Variants in DROSHA observed in about 807,000 individuals in gnomAD.
The protein encoded by DROSHA is drosha ribonuclease III, also known as ribonuclease 3.
A neutral mutation model predicts 181.9 loss-of-function variants in DROSHA; 56 were observed. That is an observed-to-expected ratio of 0.31 (90% CI 0.25 to 0.38). DROSHA has a LOEUF of 0.38. Among genes scored for constraint, DROSHA ranks in the 10% least tolerant of loss-of-function variants. DROSHA has a pLI of 1.00. For synonymous variants in DROSHA, 524 were observed against 591.2 expected, an observed-to-expected ratio of 0.89 and a Z score of 1.65; for missense variants, 1,218 against 1,743.5, an observed-to-expected ratio of 0.70 and a Z score of 5.37.
intron 21 of DROSHA, among the ~76,000 whole-genome samples, chr5:31,449,895 T>C (rs1208228967): frequency 1.3e-5 from 2 of 152,174 alleles, no homozygotes; most frequent in African/African-American, 2.4e-5. Context: ...CAGAAAATAC[T>C]TGCATACTAT....
intron 23 of DROSHA, among the ~76,000 whole-genome samples, chr5:31,446,239 C>G (rs549938307): frequency 5.9e-4 from 89 of 151,528 alleles, no homozygotes; most frequent in Admixed American, 1.8e-3. Flanking sequence ...AAGGTCAGGA[C>G]ATCAAGACCA....
chr5:31,507,563 C>T (rs990458153), intron 10 of DROSHA, among the ~76,000 whole-genome samples: 11 of 151,688 alleles, frequency 7.3e-5, no homozygotes, highest in Admixed American at 2.0e-4. Flanking sequence ...TTCCAGTGAG[C>T]CGTTATTGCG....
intron 9 of DROSHA, 79 bp from the exon 10 acceptor site, chr5:31,508,854 C>T (rs1030226504): frequency 4.8e-6 from 7 of 1,465,374 alleles, no homozygotes; most frequent in Admixed American, 2.2e-5. Context: ...GTTGGAGTCT[C>T]GCTCTGTCAC....
Position 31,405,789 on chromosome 5 carries a change from T to C in DROSHA, c.3948-66A>G, listed in dbSNP as rs1177659722. 11 of 1,191,626 alleles carry C rather than the reference T, an allele frequency of 9.2e-6. No individual in the cohort carries two copies. In the East Asian group the frequency reaches 3.2e-4, roughly 35 times the overall value. 73.8% of individuals were successfully genotyped at this position (1,191,626 alleles called of 1,614,324 possible). On this transcript the variant is annotated intron_variant, in intron 34 of 35. Transcript: ENST00000344624. ...ATTCTTTTTTTTTTTTTTTTTTTTTTTTCAAAAAATGCAAGGTATGGCTAC... is the reference window on the plus strand; with the variant it reads ...ATTCTTTTTTTTTTTTTTTTTTTTTCTTCAAAAAATGCAAGGTATGGCTAC...
At chr5:31,448,200 A>G (rs1746542096) in intron 23 of DROSHA, among the ~76,000 whole-genome samples, 1 of 152,252 alleles carries the variant, frequency 6.6e-6, no homozygotes, top group Admixed American at 6.5e-5. Flanking sequence ...CACATACTAT[A>G]CTATGGACAA....
chr5:31,432,159 T>A (rs983808459), intron 25 of DROSHA, among the ~76,000 whole-genome samples: 1 of 150,756 alleles, frequency 6.6e-6, no homozygotes, highest in African/African-American at 2.5e-5. Flanking sequence ...TGAGACGGAA[T>A]CTGGCTCTGT....
intron 3 of DROSHA, 102 bp downstream of exon 3, chr5:31,530,696 C>A: frequency 5.6e-6 from 2 of 355,998 alleles, no homozygotes; most frequent in Admixed American, 4.7e-5. Context: ...ATCCATCTAT[C>A]AATCTTAAAT....
chr5:31,488,158 T>C (rs1395031600), intron 13 of DROSHA, among the ~76,000 whole-genome samples: 1 of 152,148 alleles, frequency 6.6e-6, no homozygotes, highest in Non-Finnish European at 1.5e-5. Flanking sequence ...GGCTTATGCC[T>C]GTAATCCTAG....
intron 30 of DROSHA, among the ~76,000 whole-genome samples, chr5:31,417,230 C>T (rs557044673): frequency 6.6e-4 from 101 of 152,200 alleles, no homozygotes; most frequent in Non-Finnish European, 1.0e-3. Context: ...ATAAAATGCA[C>T]TGCAAAGGCC....
At chr5:31,408,868 A>G (rs1740970804) in intron 33 of DROSHA, 188 bp downstream of exon 33, 1 of 546,054 alleles carries the variant, frequency 1.8e-6, no homozygotes, top group Admixed American at 3.4e-5. Context: ...GGACCCACTT[A>G]TTACAGCTAA....
intron 23 of DROSHA, among the ~76,000 whole-genome samples, chr5:31,443,853 G>A (rs1470924070): frequency 2.0e-5 from 3 of 152,074 alleles, no homozygotes; most frequent in Non-Finnish European, 4.4e-5. Flanking sequence ...GTAGTGTGAC[G>A]AATGGCATTC....
chr5:31,437,419 T>C, intron 23 of DROSHA, 121 bp from the exon 24 acceptor site: 2 of 843,368 alleles, frequency 2.4e-6, no homozygotes, highest in Non-Finnish European at 3.6e-6. Context: ...CCACCTTCCC[T>C]ATTCCTCATA....
At chr5:31,428,465 A>G (rs1045668774) in intron 27 of DROSHA, among the ~76,000 whole-genome samples, 8 of 152,232 alleles carry the variant, frequency 5.3e-5, no homozygotes, top group Admixed American at 2.6e-4. Context: ...ATCAAGATGC[A>G]CATGTGTTTA....
chr5:31,410,941 T>C, intron 30 of DROSHA, 54 bp from the exon 31 acceptor site: 1 of 1,603,988 alleles, frequency 6.2e-7, no homozygotes, highest in Admixed American at 1.7e-5. Context: ...TTGACCTCTC[T>C]TATTCCTGGG....
chr5:31,415,409 A>C (rs745731457), intron 30 of DROSHA, among the ~76,000 whole-genome samples: 3 of 152,346 alleles, frequency 2.0e-5, no homozygotes, highest in Non-Finnish European at 4.4e-5. Flanking sequence ...CTAGCAGGCA[A>C]ATACAGGTCA....
rs375189019 is a variant in DROSHA at position 31,421,391 on chromosome 5, C to T, written c.3420-14G>A. On this transcript the variant is annotated splice_polypyrimidine_tract_variant and intron_variant, in intron 29 of 35. Transcript: ENST00000344624. ...TGATTGTGGCCTCTGGAAAAAGAAA[C>T]ATCAAAGTAAAGAAATCAATAACCA... 6.3e-7 allele frequency: 1 copy of T among 1,590,534 alleles called. No individual in the cohort carries two copies. The highest frequency in any genetic ancestry group is 1.1e-5 in the South Asian group (1 of 89,928).
intron 34 of DROSHA, among the ~76,000 whole-genome samples, chr5:31,406,330 G>T (rs949337894): frequency 1.3e-5 from 2 of 151,964 alleles, no homozygotes; most frequent in Non-Finnish European, 2.9e-5. Context: ...GGCCAACATG[G>T]TAAAACCCTG....
At position 31,401,316 on chromosome 5, in the gene DROSHA, A is replaced by G. The variant is rs1739969866; in HGVS notation, c.*116T>C. 7.3e-7 allele frequency: 1 copy of G among 1,378,226 alleles called. No homozygotes were observed. Among genetic ancestry groups the G allele is most frequent in the Admixed American group, 1.7e-5 (1 of 58,686 alleles). 85.4% of individuals were successfully genotyped at this position (1,378,226 alleles called of 1,614,324 possible). A position where few individuals can be genotyped will look rare whatever the true frequency, so the allele number is the denominator to read the frequency against. On this transcript the variant is annotated 3_prime_UTR_variant, in exon 36 of 36. Transcript: ENST00000344624. ...AACAACAATAGCGATTTGACTCTGT[A>G]TTTTATTTCAATGAGCACACTTCAT...
At chr5:31,403,031 C>G (rs1002827316) in intron 35 of DROSHA, among the ~76,000 whole-genome samples, 3 of 152,140 alleles carry the variant, frequency 2.0e-5, no homozygotes, top group African/African-American at 7.2e-5. Flanking sequence ...CTCGGCCTCC[C>G]AAAGTGCTGG....
Sources: allele counts gnomAD v4.1 joint callset (sites outside exome capture counted in the v4.1 genomes callset), GRCh38; gene constraint gnomAD v4.1.1; transcripts MANE v1.5; gene names NCBI Gene and HGNC (gene_info 2026-07-23, HGNC 2026-07-21).